Variants in WNK1 observed in about 807,000 individuals in gnomAD.
WNK1 encodes the protein WNK lysine deficient protein kinase 1, also known as serine/threonine-protein kinase WNK1.
WNK1 carries 38 observed loss-of-function variants against 222.8 expected under a neutral mutation model. The ratio of observed to expected loss-of-function variants is 0.17; its 90% CI spans 0.13 to 0.22. The LOEUF (loss-of-function observed/expected upper bound fraction) is 0.22, where lower values mean the gene tolerates loss of function less well. WNK1 is among the 10% of genes least tolerant of loss of function. WNK1 has a pLI of 1.00. For synonymous variants in WNK1, 1,090 were observed against 1,092.9 expected, an observed-to-expected ratio of 1.00 and a Z score of 0.05; for missense variants, 2,348 against 2,918.4, an observed-to-expected ratio of 0.80 and a Z score of 4.50.
At chr12:864,611 T>A (rs1313360679) in intron 8 of WNK1, among the ~76,000 whole-genome samples, 1 of 152,222 alleles carries the variant, frequency 6.6e-6, no homozygotes, top group Non-Finnish European at 1.5e-5. Flanking sequence ...CCATCTCATG[T>A]CTTCTAAAAT....
chr12:800,892 C>T (rs1056794533), intron 1 of WNK1, among the ~76,000 whole-genome samples: 10 of 152,100 alleles, frequency 6.6e-5, no homozygotes, highest in African/African-American at 2.4e-4. Flanking sequence ...TTGCTGTGCG[C>T]ACAGAAGGTG....
At position 881,907 on chromosome 12, in the gene WNK1, A is replaced by G. The variant is rs1257547671; in HGVS notation, c.3210-4A>G. On this transcript the variant is annotated splice_polypyrimidine_tract_variant and splice_region_variant and intron_variant, in intron 13 of 27. Coordinates refer to ENST00000315939, the MANE Select transcript of WNK1 (RefSeq NM_018979.4). ...GCACTTTTTTTTCTTTTTAAATTTC[A>G]AAGTGCACATTCAGATGTTGCTTCA... 6.8e-6 allele frequency: 11 copies of G among 1,614,030 alleles called. No homozygotes were observed. Among genetic ancestry groups the G allele is most frequent in the African/African-American group, 1.3e-5 (1 of 74,906 alleles).
At chr12:791,300 T>C (rs1380305179) in intron 1 of WNK1, among the ~76,000 whole-genome samples, 3 of 151,190 alleles carry the variant, frequency 2.0e-5, no homozygotes, top group African/African-American at 7.3e-5. Flanking sequence ...TCCTTATAAC[T>C]AAGAAAAAGA....
intron 11 of WNK1, 58 bp downstream of exon 11, chr12:880,089 G>A: frequency 6.6e-7 from 1 of 1,517,340 alleles, no homozygotes. Flanking sequence ...TAGATCATCA[G>A]GAACATGGAA....
At chr12:799,442 C>T (rs1242557868) in intron 1 of WNK1, among the ~76,000 whole-genome samples, 5 of 151,460 alleles carry the variant, frequency 3.3e-5, no homozygotes, top group African/African-American at 1.2e-4. Context: ...GCATGTCTGT[C>T]ATTTTAAGAG....
intron 4 of WNK1, among the ~76,000 whole-genome samples, chr12:831,309 A>G (rs1370910390): frequency 2.0e-5 from 3 of 151,960 alleles, no homozygotes; most frequent in African/African-American, 7.3e-5. Flanking sequence ...AGGCCGAGGC[A>G]GGTGGATCCC....
chr12:841,017 G>T (rs553315737), intron 4 of WNK1, among the ~76,000 whole-genome samples: 7 of 152,314 alleles, frequency 4.6e-5, no homozygotes, highest in African/African-American at 9.6e-5. Context: ...GGAAAGACTG[G>T]TGTCACTGTT....
At chr12:888,310 T>C (rs1437424231) in intron 20 of WNK1, among the ~76,000 whole-genome samples, 1 of 152,106 alleles carries the variant, frequency 6.6e-6, no homozygotes, top group African/African-American at 2.4e-5. Flanking sequence ...AGCCACCACA[T>C]TTGGGGGAAA....
chr12:900,019 T>TC (rs1224267272), intron 25 of WNK1, among the ~76,000 whole-genome samples: 7 of 133,480 alleles, frequency 5.2e-5, no homozygotes, highest in African/African-American at 8.3e-5. Context: ...TTCTTTTCTT[T>TC]TTTTTTTTTT....
chr12:822,467 A>G (rs1161974213), intron 2 of WNK1, among the ~76,000 whole-genome samples: 14 of 151,988 alleles, frequency 9.2e-5, no homozygotes, highest in Non-Finnish European at 1.3e-4. Flanking sequence ...ACCTTTTTAA[A>G]TGTATTTATT....
intron 2 of WNK1, among the ~76,000 whole-genome samples, chr12:826,272 A>C (rs1948352659): frequency 6.6e-6 from 1 of 152,224 alleles, no homozygotes. Flanking sequence ...TATTTTAGTT[A>C]ATCTACATTT....
intron 1 of WNK1, among the ~76,000 whole-genome samples, chr12:777,870 T>G (rs1591651637): frequency 6.6e-6 from 1 of 152,250 alleles, no homozygotes; most frequent in South Asian, 2.1e-4. Context: ...GTTTGTTTGC[T>G]GTTCAGATAT....
At chr12:783,554 C>A (rs541869662) in intron 1 of WNK1, among the ~76,000 whole-genome samples, 1 of 99,444 alleles carries the variant, frequency 1.0e-5, no homozygotes, top group South Asian at 3.4e-4. Context: ...CCAGCTACCT[C>A]GGAGGCTGAG....
rs35706572 is a variant in WNK1 at position 865,142 on chromosome 12, T to TC, written c.2139+2875dup. 0.28 allele frequency: 429,047 copies of TC among 1,531,260 alleles called. 62,024 individuals carry two copies. The highest frequency in any genetic ancestry group is 0.38 in the Middle Eastern group (2,287 of 5,972). The allele number at this position is 1,531,260 out of a possible 1,614,324, so 94.9% of individuals were successfully genotyped here. ...GTGGCCGTAGCATGTCGGTTTGTGT[T>TC]CCCATCTTTCTGCTGTTGCCTCTGT... is the stretch of plus-strand genomic sequence containing the variant. On this transcript the variant is annotated intron_variant, in intron 8 of 27. Transcript: ENST00000315939.
intron 2 of WNK1, among the ~76,000 whole-genome samples, chr12:821,550 C>T (rs1265832575): frequency 6.6e-6 from 1 of 152,122 alleles, no homozygotes; most frequent in African/African-American, 2.4e-5. Context: ...TGTCTGTTAC[C>T]TTTTGGTGGT....
chr12:896,068 C>G lies in WNK1; in HGVS notation c.5584-3C>G. 1 of 1,614,036 alleles carries G rather than the reference C, an allele frequency of 6.2e-7. No homozygotes were observed. Among genetic ancestry groups the G allele is most frequent in the Non-Finnish European group, 8.5e-7 (1 of 1,179,994 alleles). ...GTTTTTAATCTTTGTCCTTTTTTAT[C>G]AGGTTTCTGTTGCAGCAGACGGTGC... is the stretch of plus-strand genomic sequence containing the variant. On this transcript the variant is annotated splice_region_variant and splice_polypyrimidine_tract_variant and intron_variant, in intron 23 of 27. Coordinates refer to ENST00000315939, the MANE Select transcript of WNK1 (RefSeq NM_018979.4).
chr12:837,587 A>AG (rs2154033088), intron 4 of WNK1, among the ~76,000 whole-genome samples: 1 of 141,776 alleles, frequency 7.1e-6, no homozygotes, highest in Non-Finnish European at 1.6e-5. Flanking sequence ...AAAAAAAAAA[A>AG]AAAAAGAAAA....
intron 8 of WNK1, chr12:867,784 C>T (rs764012901): frequency 2.0e-6 from 3 of 1,492,424 alleles, no homozygotes; most frequent in South Asian, 2.3e-5. Flanking sequence ...CATAGGGTTA[C>T]ACAGAACTAC....
intron 1 of WNK1, among the ~76,000 whole-genome samples, chr12:772,781 A>G (rs539633459): frequency 6.6e-6 from 1 of 152,322 alleles, no homozygotes; most frequent in East Asian, 1.9e-4. Flanking sequence ...CATGGTTGAT[A>G]TATTACAAAG....
Sources: allele counts gnomAD v4.1 joint callset (sites outside exome capture counted in the v4.1 genomes callset), GRCh38; gene constraint gnomAD v4.1.1; transcripts MANE v1.5; gene names NCBI Gene and HGNC (gene_info 2026-07-23, HGNC 2026-07-21).